The following PALS1 variants were observed in gnomAD, a reference collection of about 807,000 sequenced individuals.
PALS1 encodes protein PALS1.
PALS1 carries 31 observed loss-of-function variants against 78.9 expected under a neutral mutation model. The ratio of observed to expected loss-of-function variants is 0.39; its 90% confidence interval spans 0.30 to 0.53. PALS1 has a LOEUF of 0.53. Among genes scored for constraint, PALS1 ranks in the 20% least tolerant of loss-of-function variants. The pLI, the probability that PALS1 is intolerant of heterozygous loss-of-function variation, is 0.67. For missense variants in PALS1, 704 were observed against 826.5 expected, an observed-to-expected ratio of 0.85 and a Z score of 1.82; for synonymous variants, 276 against 270.9, an observed-to-expected ratio of 1.02 and a Z score of -0.18.
chr14:67,314,325 C>T (rs1413609570), intron 9 of PALS1, among the ~76,000 whole-genome samples: 1 of 152,196 alleles, frequency 6.6e-6, no homozygotes, highest in East Asian at 1.9e-4. Flanking sequence ...GCCAAAGAGA[C>T]TTTTCTGGGT....
chr14:67,328,681 C>T (rs1413954581), intron 14 of PALS1, among the ~76,000 whole-genome samples: 1 of 152,174 alleles, frequency 6.6e-6, no homozygotes, highest in East Asian at 1.9e-4. Context: ...GATCCAGTTT[C>T]AGCTTTCTAC....
At chr14:67,286,850 G>A (rs2084696674) in intron 3 of PALS1, among the ~76,000 whole-genome samples, 1 of 135,830 alleles carries the variant, frequency 7.4e-6, no homozygotes, top group Non-Finnish European at 1.5e-5. Flanking sequence ...AGTGAGACCT[G>A]GTCTCAAAAA....
intron 14 of PALS1, among the ~76,000 whole-genome samples, chr14:67,330,138 A>AAATAAT (rs145800942): frequency 6.8e-6 from 1 of 146,492 alleles, no homozygotes; most frequent in Non-Finnish European, 1.5e-5. Context: ...ACCAGGAAAT[A>AAATAAT]AATAATAATA....
At chr14:67,293,109 C>G (rs576041661) in intron 4 of PALS1, among the ~76,000 whole-genome samples, 2 of 152,100 alleles carry the variant, frequency 1.3e-5, no homozygotes, top group East Asian at 3.9e-4. Flanking sequence ...TATATAACGC[C>G]TAAGATTTAT....
Position 67,311,047 on chromosome 14 carries a change from CGT to C in PALS1, c.1042-1477_1042-1476del, listed in dbSNP as rs371031978. ...AAAGCTAAGGCCAGGCGTGGTGGCT[CGT>C]GTCTGTAATCCCAGCACTTTGGGAG... On this transcript the variant is annotated intron_variant, in intron 8 of 14. Coordinates refer to ENST00000261681, the MANE Select transcript of PALS1 (RefSeq NM_022474.4). 3.5e-4 allele frequency among the ~76,000 whole-genome samples: 54 copies of C among 152,224 alleles called. No individual in the cohort carries two copies. The East Asian group carries it at 6.8e-3, about 19-fold the overall frequency.
chr14:67,280,977 A>T (rs1200407078), intron 3 of PALS1, among the ~76,000 whole-genome samples: 1 of 149,700 alleles, frequency 6.7e-6, no homozygotes, highest in Non-Finnish European at 1.5e-5. Flanking sequence ...GGCTCACAGC[A>T]ATCTCCGCCT....
At chr14:67,298,811 C>A (rs138791946) in intron 4 of PALS1, among the ~76,000 whole-genome samples, 1 of 152,188 alleles carries the variant, frequency 6.6e-6, no homozygotes, top group East Asian at 1.9e-4. Flanking sequence ...CTCCCACGGC[C>A]CTTTGCGATG....
Position 67,279,159 on chromosome 14 carries a change from T to G in PALS1, c.-12T>G. On this transcript the variant is annotated 5_prime_UTR_variant, in exon 3 of 15. Transcript: ENST00000261681. ...GATTTATAAAAAGTGGTACAGGTTT[T>G]CATAGATAACCATGACAACATCCCA... is the stretch of plus-strand genomic sequence containing the variant. 1 of 1,554,268 alleles carries G rather than the reference T, an allele frequency of 6.4e-7. No individual in the cohort carries two copies. Among genetic ancestry groups the G allele is most frequent in the South Asian group, 1.2e-5 (1 of 80,852 alleles).
intron 1 of PALS1, among the ~76,000 whole-genome samples, chr14:67,260,114 A>G (rs1012402307): frequency 6.6e-6 from 1 of 152,208 alleles, no homozygotes; most frequent in Non-Finnish European, 1.5e-5. Context: ...CATCTCTCTA[A>G]TAAGTGATAC....
chr14:67,284,581 A>AC (rs1232267621), intron 3 of PALS1, among the ~76,000 whole-genome samples: 8 of 143,964 alleles, frequency 5.6e-5, no homozygotes, highest in African/African-American at 2.1e-4. Context: ...AAAAAAAAAA[A>AC]AAAAAAAGGT....
intron 9 of PALS1, among the ~76,000 whole-genome samples, 191 bp from the exon 10 acceptor site, chr14:67,316,641 G>A (rs2085179866): frequency 6.6e-6 from 1 of 152,032 alleles, no homozygotes; most frequent in Admixed American, 6.6e-5. Context: ...GGGATTGATT[G>A]AGCAGAGTTA....
chr14:67,242,459 A>G (rs1308857674), intron 1 of PALS1, among the ~76,000 whole-genome samples: 3 of 152,234 alleles, frequency 2.0e-5, no homozygotes, highest in Non-Finnish European at 4.4e-5. Flanking sequence ...TAAAAAAGCA[A>G]TATCATGTTT....
intron 14 of PALS1, among the ~76,000 whole-genome samples, chr14:67,329,275 C>A (rs189300208): frequency 4.2e-4 from 63 of 151,684 alleles, no homozygotes; most frequent in East Asian, 5.8e-4. Context: ...TTGGCTCTCT[C>A]TTTGTCTGTT....
In PALS1 at chr14:67,334,245, T is replaced by G. The variant is rs1295366103; in HGVS notation, c.*1289T>G. The G allele has an allele frequency of 6.6e-6, 1 of 152,562 alleles. No individual in the cohort carries two copies. Among genetic ancestry groups the G allele is most frequent in the Admixed American group, 6.6e-5 (1 of 15,260 alleles). 9.5% of individuals were successfully genotyped at this position (152,562 alleles called of 1,614,324 possible). The stretch of plus-strand genomic sequence containing the variant: ...GCTTGGTAAATCATAAAAGAAACAT[T>G]TAAGCTAATAGGATTTTCGTACTGT... On this transcript the variant is annotated 3_prime_UTR_variant, in exon 15 of 15. Coordinates refer to ENST00000261681, the MANE Select transcript of PALS1 (RefSeq NM_022474.4).
intron 1 of PALS1, among the ~76,000 whole-genome samples, chr14:67,250,570 A>T (rs1357278584): frequency 6.6e-6 from 1 of 152,234 alleles, no homozygotes; most frequent in Non-Finnish European, 1.5e-5. Flanking sequence ...TCTGATAGTC[A>T]TCTGGGCCCT....
chr14:67,262,878 G>A (rs750049886), intron 1 of PALS1, among the ~76,000 whole-genome samples: 46 of 152,014 alleles, frequency 3.0e-4, no homozygotes, highest in Non-Finnish European at 5.1e-4. Flanking sequence ...CCATATTGCA[G>A]GTAATTTTAA....
chr14:67,317,794 T>C (rs762306124), intron 11 of PALS1, among the ~76,000 whole-genome samples: 4 of 152,234 alleles, frequency 2.6e-5, no homozygotes, highest in Non-Finnish European at 5.9e-5. Context: ...TCCTCTACAA[T>C]AGCTCATGTC....
chr14:67,262,185 G>T (rs1238051044), intron 1 of PALS1, among the ~76,000 whole-genome samples: 3 of 151,998 alleles, frequency 2.0e-5, no homozygotes, highest in African/African-American at 7.2e-5. Context: ...GGAATCAGCT[G>T]TAAAAATAAA....
At position 67,329,880 on chromosome 14, in the gene PALS1, A is replaced by AAATT. The variant is rs1281344263; in HGVS notation, c.1852-2900_1852-2899insAATT. Among the ~76,000 whole-genome samples the AAATT allele has an allele frequency of 3.9e-3, 351 of 89,672 alleles. 5 individuals carry two copies. The highest frequency in any genetic ancestry group is 0.017 in the African/African-American group (181 of 10,604). The allele number at this position is 89,672 out of a possible 152,430, so 58.8% of individuals were successfully genotyped here. On this transcript the variant is annotated intron_variant, in intron 14 of 14. Coordinates refer to ENST00000261681, the MANE Select transcript of PALS1 (RefSeq NM_022474.4). ...TAAATAAATAAATAAATAAATAAAT[A>AAATT]GATATAGAAACTAAGAAGATGATGG...
Sources: gnomAD v4.1 joint callset for allele counts (sites outside exome capture counted in the v4.1 genomes callset) on GRCh38, gnomAD v4.1.1 for gene constraint, MANE v1.5 for transcripts, NCBI Gene and HGNC (gene_info 2026-07-23, HGNC 2026-07-21) for gene names.